Variants in DNAL1 observed in about 807,000 individuals in gnomAD.
DNAL1 encodes chromosome 14 open reading frame 168.
A neutral mutation model predicts 29.4 loss-of-function variants in DNAL1; 17 were observed. The ratio of observed to expected loss-of-function variants is 0.58; its 90% CI spans 0.40 to 0.87. The LOEUF (loss-of-function observed/expected upper bound fraction) is 0.87. DNAL1 is among the 40% of genes least tolerant of loss of function. DNAL1 has a pLI of 0.00. For missense variants in DNAL1, 188 were observed against 214.1 expected, an observed-to-expected ratio of 0.88 and a Z score of 0.76; for synonymous variants, 78 against 76.3, an observed-to-expected ratio of 1.02 and a Z score of -0.12.
In DNAL1 at chr14:73,702,078, G is replaced by GGTGTGTGTGTGT. The variant is rs10679978; in HGVS notation, c.*6152_*6163dup. On this transcript the variant is annotated 3_prime_UTR_variant, in exon 8 of 8. Coordinates refer to ENST00000553645, the MANE Select transcript of DNAL1 (RefSeq NM_031427.4). Reference sequence around the variant, plus strand: ...ATAACATGTACCATGCAGTTTGTGTGGTGTGTGTGTGTGTGTGTGTGTGTG... The same window carrying GGTGTGTGTGTGT: ...ATAACATGTACCATGCAGTTTGTGTGGTGTGTGTGTGTGTGTGTGTGTGTGTGTGTGTGTGTG... The GGTGTGTGTGTGT allele has an allele frequency of 4.1e-5, 6 of 147,750 alleles. No individual in the cohort carries two copies. The highest frequency in any genetic ancestry group is 1.0e-4 in the African/African-American group (4 of 39,064). The allele number at this position is 147,750 out of a possible 1,614,324, so 9.2% of individuals were successfully genotyped here.
chr14:73,660,039 G>A (rs898265496), intron 3 of DNAL1, among the ~76,000 whole-genome samples: 5 of 152,148 alleles, frequency 3.3e-5, no homozygotes, highest in African/African-American at 1.2e-4. Context: ...CAATTCTCCT[G>A]CCTCAGCCTC....
At chr14:73,659,601 G>C (rs906310699) in intron 3 of DNAL1, 1 of 152,038 alleles carries the variant, frequency 6.6e-6, no homozygotes, top group Non-Finnish European at 1.5e-5. Context: ...TGTCATCCTT[G>C]TGCAGGGGCC....
chr14:73,653,363 A>AT (rs1891149210), intron 1 of DNAL1: 1 of 151,962 alleles, frequency 6.6e-6, no homozygotes, highest in African/African-American at 2.4e-5. Context: ...ATCTAATTTA[A>AT]TTTTTTTAGA....
chr14:73,693,481 T>A (rs1329907947), intron 7 of DNAL1, among the ~76,000 whole-genome samples: 1 of 152,198 alleles, frequency 6.6e-6, no homozygotes, highest in African/African-American at 2.4e-5. Flanking sequence ...AATGGAATAT[T>A]AAACAGCAGT....
intron 6 of DNAL1, among the ~76,000 whole-genome samples, chr14:73,687,661 A>G (rs187599625): frequency 0.017 from 2,523 of 152,266 alleles, 69 homozygotes; most frequent in African/African-American, 0.057. Flanking sequence ...TCACGAGGTC[A>G]GGAGATCGAG....
Position 73,664,381 on chromosome 14 carries a change from C to A in DNAL1, c.208+2339C>A, listed in dbSNP as rs183016880. Among the ~76,000 whole-genome samples the A allele has an allele frequency of 2.0e-5, 3 of 152,226 alleles. No individual in the cohort carries two copies. In the East Asian group the frequency reaches 5.8e-4, roughly 29 times the overall value. On this transcript the variant is annotated intron_variant, in intron 4 of 7. Coordinates refer to ENST00000553645, the MANE Select transcript of DNAL1 (RefSeq NM_031427.4). Reference sequence around the variant, plus strand: ...CATTTGAATATCATTATATCAGAGACCTTTTAATGGTATCTCTTTGCCTAG... The same window carrying A: ...CATTTGAATATCATTATATCAGAGAACTTTTAATGGTATCTCTTTGCCTAG...
At chr14:73,660,612 C>G (rs1891319371) in intron 3 of DNAL1, among the ~76,000 whole-genome samples, 1 of 152,164 alleles carries the variant, frequency 6.6e-6, no homozygotes, top group Non-Finnish European at 1.5e-5. Flanking sequence ...TGAACCCATG[C>G]ATTAGACTAA....
chr14:73,681,633 A>AAAAAT (rs1555402645), intron 5 of DNAL1, among the ~76,000 whole-genome samples: 1 of 35,414 alleles, frequency 2.8e-5, no homozygotes, highest in African/African-American at 2.2e-4. Context: ...AAAAAAAAAA[A>AAAAAT]ATATATATAT....
Position 73,652,255 on chromosome 14 carries a change from A to G in DNAL1, c.4-2592A>G, listed in dbSNP as rs556623131. Among the ~76,000 whole-genome samples the G allele has an allele frequency of 9.4e-4, 142 of 151,780 alleles. 1 individual carries two copies. Among genetic ancestry groups the G allele is most frequent in the African/African-American group, 3.2e-3 (133 of 41,380 alleles). On this transcript the variant is annotated intron_variant, in intron 1 of 7. Coordinates refer to ENST00000553645, the MANE Select transcript of DNAL1 (RefSeq NM_031427.4). ...TTTTTTGTAGAGACGGGGTCTTGCTATGTTGTTCAGGTTATATACATTTTT... is the reference window on the plus strand; with the variant it reads ...TTTTTTGTAGAGACGGGGTCTTGCTGTGTTGTTCAGGTTATATACATTTTT...
chr14:73,681,187 G>A (rs1192572382), intron 5 of DNAL1, among the ~76,000 whole-genome samples: 4 of 150,982 alleles, frequency 2.6e-5, no homozygotes, highest in Non-Finnish European at 4.4e-5. Flanking sequence ...AGGCTGGAGT[G>A]CAGTGGCACC....
intron 6 of DNAL1, 82 bp from the exon 7 acceptor site, chr14:73,689,293 A>G (rs1203625901): frequency 7.3e-6 from 11 of 1,508,594 alleles, no homozygotes; most frequent in Admixed American, 6.1e-5. Flanking sequence ...TGTCCCCCCA[A>G]AGTTCTGGGA....
intron 3 of DNAL1, among the ~76,000 whole-genome samples, chr14:73,659,159 C>CG (rs1315398449): frequency 7.2e-6 from 1 of 138,926 alleles, no homozygotes; most frequent in African/African-American, 2.7e-5. Flanking sequence ...CAGTATAGTA[C>CG]AATTTTTTTT....
chr14:73,646,092 A>T (rs1890970613), intron 1 of DNAL1, among the ~76,000 whole-genome samples: 3 of 152,150 alleles, frequency 2.0e-5, no homozygotes, highest in African/African-American at 7.2e-5. Flanking sequence ...TGCTTTCCTT[A>T]CTTTGTTCCC....
At chr14:73,690,786 AAGTT>A (rs1191044061) in intron 7 of DNAL1, among the ~76,000 whole-genome samples, 23 of 152,300 alleles carry the variant, frequency 1.5e-4, no homozygotes, top group African/African-American at 4.8e-4. Context: ...AAAATAAAGA[AAGTT>A]AGGCTTATTC....
At chr14:73,657,255 G>A (rs1811037587) in intron 2 of DNAL1, among the ~76,000 whole-genome samples, 1 of 152,168 alleles carries the variant, frequency 6.6e-6, no homozygotes, top group South Asian at 2.1e-4. Context: ...TGTTCCTCCA[G>A]GCTGAAGTGC....
chr14:73,652,824 C>T (rs1891139240), intron 1 of DNAL1, among the ~76,000 whole-genome samples: 1 of 151,664 alleles, frequency 6.6e-6, no homozygotes, highest in Admixed American at 6.6e-5. Context: ...TGTAAGTTTC[C>T]TTCTTAGTAT....
At chr14:73,649,351 C>T (rs968860731) in intron 1 of DNAL1, among the ~76,000 whole-genome samples, 3 of 151,078 alleles carry the variant, frequency 2.0e-5, no homozygotes, top group Non-Finnish European at 2.9e-5. Context: ...GGCGCGATCT[C>T]GGCTCACGGC....
chr14:73,666,936 C>T (rs28450669), intron 4 of DNAL1, among the ~76,000 whole-genome samples: 7,429 of 151,824 alleles, frequency 0.049, 204 homozygotes, highest in Middle Eastern at 0.079. Flanking sequence ...CAAGTCCCCA[C>T]GACTCAGTTC....
chr14:73,674,755 T>G (rs1222495862), intron 5 of DNAL1, among the ~76,000 whole-genome samples: 1 of 152,198 alleles, frequency 6.6e-6, no homozygotes, highest in Non-Finnish European at 1.5e-5. Context: ...TTGCCCAGGC[T>G]GATCTCAAAC....
Sources: allele counts gnomAD v4.1 joint callset (sites outside exome capture counted in the v4.1 genomes callset), GRCh38; gene constraint gnomAD v4.1.1; transcripts MANE v1.5; gene names NCBI Gene and HGNC (gene_info 2026-07-23, HGNC 2026-07-21).